Variants in BLTP1 observed in about 807,000 individuals in gnomAD.
BLTP1 encodes bridge-like lipid transfer protein family member 1, also known as fragile site-associated protein.
chr4:122,355,683 C>A, the BLTP1 span: 3 of 1,070,078 alleles, frequency 2.8e-6, no homozygotes, highest in Non-Finnish European at 3.8e-6. Context: ...TAATGTGATT[C>A]TTTCCAACTT....
At chr4:122,223,740 T>C in the BLTP1 span, among the ~76,000 whole-genome samples, 1 of 152,112 alleles carries the variant, frequency 6.6e-6, no homozygotes, top group East Asian at 1.9e-4. Flanking sequence ...TGGCAAGAGG[T>C]GATACTATTT....
the BLTP1 span, among the ~76,000 whole-genome samples, chr4:122,205,257 T>C: frequency 6.6e-6 from 1 of 151,870 alleles, no homozygotes; most frequent in African/African-American, 2.4e-5. Context: ...ATATCTTTAA[T>C]AATAAACGCT....
the BLTP1 span, among the ~76,000 whole-genome samples, chr4:122,159,080 G>T: frequency 1.3e-5 from 2 of 152,126 alleles, no homozygotes; most frequent in South Asian, 4.1e-4. Context: ...TAGTACTTGT[G>T]GAACTATGTT....
At chr4:122,212,348 T>A in the BLTP1 span, among the ~76,000 whole-genome samples, 1 of 152,176 alleles carries the variant, frequency 6.6e-6, no homozygotes, top group Non-Finnish European at 1.5e-5. Context: ...TGACCATCGT[T>A]TGACCTAAAA....
chr4:122,226,735 C>T, the BLTP1 span: 1 of 1,613,388 alleles, frequency 6.2e-7, no homozygotes. Context: ...TGGGGACAGA[C>T]ATTTGTTTTT....
the BLTP1 span, chr4:122,262,727 A>G: frequency 2.0e-6 from 3 of 1,524,546 alleles, no homozygotes; most frequent in South Asian, 2.6e-5. Context: ...TCATTTTTAT[A>G]TACATAAGAA....
At chr4:122,346,858 A>G in the BLTP1 span, 1 of 1,521,724 alleles carries the variant, frequency 6.6e-7, no homozygotes, top group Non-Finnish European at 8.8e-7. Context: ...GTACCATGTG[A>G]TGCGTTCAGT....
At chr4:122,346,579 A>G in the BLTP1 span, 1 of 1,593,226 alleles carries the variant, frequency 6.3e-7, no homozygotes. Flanking sequence ...GAAAACATTA[A>G]AGGTTTTAGA....
chr4:122,302,899 A>G, the BLTP1 span, among the ~76,000 whole-genome samples: 1 of 152,236 alleles, frequency 6.6e-6, no homozygotes, highest in South Asian at 2.1e-4. Flanking sequence ...GGAAGCTGCA[A>G]AAGAAAACTT....
At chr4:122,332,205 T>C in the BLTP1 span, among the ~76,000 whole-genome samples, 2 of 152,024 alleles carry the variant, frequency 1.3e-5, no homozygotes, top group Non-Finnish European at 2.9e-5. Context: ...ACTATTCTGA[T>C]TATTTTTTAT....
chr4:122,162,065 A>G, the BLTP1 span, among the ~76,000 whole-genome samples: 1 of 152,170 alleles, frequency 6.6e-6, no homozygotes, highest in African/African-American at 2.4e-5. Flanking sequence ...AGCATTTTCT[A>G]TATTGTTAGA....
At chr4:122,209,958 AGCT>A in the BLTP1 span, 11 of 1,598,772 alleles carry the variant, frequency 6.9e-6, no homozygotes, top group African/African-American at 9.5e-5. Flanking sequence ...GCTTTTATAC[AGCT>A]GCTATTATGA....
At chr4:122,325,920 A>C in the BLTP1 span, 4 of 967,876 alleles carry the variant, frequency 4.1e-6, no homozygotes, top group East Asian at 2.5e-4. Flanking sequence ...ATTTTCAGGT[A>C]CTTACTAAGA....
At chr4:122,258,437 T>C in the BLTP1 span, among the ~76,000 whole-genome samples, 4 of 152,226 alleles carry the variant, frequency 2.6e-5, no homozygotes, top group African/African-American at 9.6e-5. Context: ...TCTGTTAATC[T>C]ATGAGCAGTC....
chr4:122,207,530 T>TC, the BLTP1 span: 1 of 1,553,752 alleles, frequency 6.4e-7, no homozygotes, highest in Admixed American at 2.2e-5. Context: ...TTTTTTTTTT[T>TC]TCTTTTGTAG....
the BLTP1 span, chr4:122,298,113 T>C: frequency 2.9e-6 from 2 of 690,442 alleles, no homozygotes; most frequent in Non-Finnish European, 3.6e-6. Flanking sequence ...AGATAGATCA[T>C]AATAGTAGAT....
At chr4:122,204,784 T>C in the BLTP1 span, 1 of 658,000 alleles carries the variant, frequency 1.5e-6, no homozygotes, top group Non-Finnish European at 1.9e-6. Flanking sequence ...AGACTAAAGT[T>C]AGAAAGCAGG....
the BLTP1 span, chr4:122,227,001 A>G: frequency 3.4e-6 from 2 of 585,654 alleles, no homozygotes; most frequent in South Asian, 4.5e-5. Flanking sequence ...AGTTTTAAGT[A>G]TCTAAAATAT....
At chr4:122,257,439 G>T in the BLTP1 span, 1 of 1,613,900 alleles carries the variant, frequency 6.2e-7, no homozygotes, top group Non-Finnish European at 8.5e-7. Flanking sequence ...TTGGACAATG[G>T]GGGTGGTCTT....
Sources: allele counts gnomAD v4.1 joint callset (sites outside exome capture counted in the v4.1 genomes callset), GRCh38; gene constraint gnomAD v4.1.1; transcripts MANE v1.5; gene names NCBI Gene and HGNC (gene_info 2026-07-23, HGNC 2026-07-21).